The following SULF2 variants were observed in gnomAD, a reference collection of about 807,000 sequenced individuals.
The protein encoded by SULF2 is sulfatase 2.
Under a neutral mutation model 107.7 loss-of-function variants are expected in SULF2, and 52 were observed. The ratio of observed to expected loss-of-function variants is 0.48; its 90% CI spans 0.39 to 0.61. The LOEUF is 0.61. Among genes scored for constraint, SULF2 ranks in the 20% least tolerant of loss-of-function variants. The probability of loss-of-function intolerance (pLI) is 0.00; values close to 1 mark genes in which losing one functional copy is unlikely to be tolerated. For missense variants in SULF2, 993 were observed against 1,177.3 expected, an observed-to-expected ratio of 0.84 and a Z score of 2.29; for synonymous variants, 460 against 464.3, an observed-to-expected ratio of 0.99 and a Z score of 0.12.
chr20:47,739,790 CAT>C (rs2089834649), intron 2 of SULF2, among the ~76,000 whole-genome samples: 1 of 152,232 alleles, frequency 6.6e-6, no homozygotes, highest in Admixed American at 6.5e-5. Context: ...GCTAAATTAA[CAT>C]ATAAAATACT....
chr20:47,780,539 T>C (rs1409959703), intron 1 of SULF2, among the ~76,000 whole-genome samples: 1 of 152,038 alleles, frequency 6.6e-6, no homozygotes, highest in Non-Finnish European at 1.5e-5. Context: ...CCCCATCACA[T>C]CATGCAGTCA....
intron 1 of SULF2, among the ~76,000 whole-genome samples, chr20:47,770,954 C>T (rs1365293438): frequency 6.6e-6 from 1 of 152,184 alleles, no homozygotes; most frequent in Non-Finnish European, 1.5e-5. Context: ...CACGTCTGGC[C>T]AGATTCAAGG....
In SULF2 at chr20:47,678,919, G is replaced by C; in HGVS notation, c.1065-115C>G. 1.2e-6 allele frequency: 1 copy of C among 863,918 alleles called. No homozygotes were observed. The highest frequency in any genetic ancestry group is 1.9e-6 in the Non-Finnish European group (1 of 533,844). The allele number at this position is 863,918 out of a possible 1,614,324, so 53.5% of individuals were successfully genotyped here. On this transcript the variant is annotated intron_variant, in intron 7 of 20. Coordinates refer to ENST00000688720, the MANE Select transcript of SULF2 (RefSeq NM_001387048.1). This position sits in a 1 kb window ranked among gnomAD's most constrained non-coding sequence, Gnocchi z 4.5. ...GTTTGTGGGAGGCTGACATCTGCAG[G>C]TATGGAAGCTGCAGTCTGGCACCTC...
At chr20:47,768,826 T>A (rs1600682735) in intron 1 of SULF2, among the ~76,000 whole-genome samples, 1 of 151,696 alleles carries the variant, frequency 6.6e-6, no homozygotes, top group Non-Finnish European at 1.5e-5. Flanking sequence ...AGAGCACTTA[T>A]CATAACTTGT....
At chr20:47,702,870 G>A (rs998703801) in intron 3 of SULF2, among the ~76,000 whole-genome samples, 200 bp from the exon 4 acceptor site, 1 of 152,184 alleles carries the variant, frequency 6.6e-6, no homozygotes, top group Admixed American at 6.5e-5. Flanking sequence ...CAATTGTTTG[G>A]AAATACGGTT....
chr20:47,690,961 C>A (rs761943157), intron 4 of SULF2, among the ~76,000 whole-genome samples: 1 of 152,000 alleles, frequency 6.6e-6, no homozygotes, highest in Non-Finnish European at 1.5e-5. Flanking sequence ...CCTGTATTTG[C>A]TCGCTTAATT....
At position 47,665,960 on chromosome 20, in the gene SULF2, G is replaced by C; in HGVS notation, c.1806-7C>G. On this transcript the variant is annotated splice_polypyrimidine_tract_variant and splice_region_variant and intron_variant, in intron 12 of 20. Transcript: ENST00000688720. ...GTTCTCTAGGATGTAGCACCTGCTT[G>C]AGAGAAGGGATCACGTGTGGCTCGG... 1 of 1,613,376 alleles carries C rather than the reference G, an allele frequency of 6.2e-7. No homozygotes were observed. Among genetic ancestry groups the C allele is most frequent in the Non-Finnish European group, 8.5e-7 (1 of 1,179,332 alleles).
At chr20:47,775,179 G>C (rs546198840) in intron 1 of SULF2, among the ~76,000 whole-genome samples, 1 of 152,334 alleles carries the variant, frequency 6.6e-6, no homozygotes, top group African/African-American at 2.4e-5. Flanking sequence ...TTTTGACCAA[G>C]AGAAGGTGGC....
chr20:47,770,053 G>GTTTTTTTTT (rs56786760), intron 1 of SULF2, among the ~76,000 whole-genome samples: 1 of 63,114 alleles, frequency 1.6e-5, no homozygotes, highest in African/African-American at 7.2e-5. Flanking sequence ...ATCTGGTGTA[G>GTTTTTTTTT]TTTTTTTTTT....
chr20:47,733,049 A>G (rs2089650553), intron 3 of SULF2, among the ~76,000 whole-genome samples: 1 of 152,246 alleles, frequency 6.6e-6, no homozygotes, highest in Admixed American at 6.5e-5. Flanking sequence ...GGGGCCATGC[A>G]AAGCAAGATC....
In SULF2 at chr20:47,736,785, C is replaced by A; in HGVS notation, c.333G>T (p.Glu111Asp). 1 of 1,614,246 alleles carries A rather than the reference C, an allele frequency of 6.2e-7. No individual in the cohort carries two copies. Among genetic ancestry groups the A allele is most frequent in the South Asian group, 1.1e-5 (1 of 91,090 alleles). Residue 111 changes from glutamate (E) to aspartate (D), a missense_variant, in exon 3 of 21, where the codon GAG becomes GAT. Transcript: ENST00000688720. ...VHNHNTYTNN[E>D]NCSSPSWQAQ... ...CCTGCCAGGAGGGCGAGGAGCAGTT[C>A]TCATTGTTGGTGTAGGTGTTGTGGT...
At chr20:47,690,085 T>G in intron 5 of SULF2, 41 bp downstream of exon 5, 2 of 1,374,864 alleles carry the variant, frequency 1.5e-6, no homozygotes, top group Non-Finnish European at 1.9e-6. Flanking sequence ...TCCCCCTTCA[T>G]GCTAAGCAGT....
rs1225785234 is a variant in SULF2 at position 47,785,442 on chromosome 20, CGCTGCCGCT to C, written c.-209_-201del. The C allele has an allele frequency of 1.3e-5, 2 of 149,870 alleles. No individual in the cohort carries two copies. Among genetic ancestry groups the C allele is most frequent in the East Asian group, 1.9e-4 (1 of 5,346 alleles). The allele number at this position is 149,870 out of a possible 1,614,324, so 9.3% of individuals were successfully genotyped here. On this transcript the variant is annotated 5_prime_UTR_variant, in exon 1 of 21. Coordinates refer to ENST00000688720, the MANE Select transcript of SULF2 (RefSeq NM_001387048.1). ...CTGGGCGCAGGGGACTCCGCGCCGC[CGCTGCCGCT>C]GCCGCCGCCGCCGCCGCCGCTGCCG... is the stretch of plus-strand genomic sequence containing the variant.
Position 47,666,417 on chromosome 20 carries a change from GGTACACCCT to G in SULF2, c.1639_1647del (p.Arg547_Tyr549del). 1.2e-6 allele frequency: 2 copies of G among 1,613,908 alleles called. No homozygotes were observed. The highest frequency in any genetic ancestry group is 1.7e-5 in the Admixed American group (1 of 60,022). On this transcript the variant is annotated inframe_deletion, in exon 12 of 21. Coordinates refer to ENST00000688720, the MANE Select transcript of SULF2 (RefSeq NM_001387048.1). This position sits in a 1 kb window ranked among gnomAD's most constrained non-coding sequence, Gnocchi z 5.4. ...TGGGCGGCATCACCCAGGCCTACGTGGTACACCCTGCCGTCCACCTCGATGGCCACTGAG... is the reference window on the plus strand; with the variant it reads ...TGGGCGGCATCACCCAGGCCTACGTGGCCGTCCACCTCGATGGCCACTGAG...
At chr20:47,672,142 C>G in intron 11 of SULF2, 56 bp downstream of exon 11, 2 of 1,527,594 alleles carry the variant, frequency 1.3e-6, no homozygotes, top group African/African-American at 1.4e-5. Context: ...ATGAATGGGG[C>G]CCCCCAGGCA....
rs1397062933 is a variant in SULF2 at position 47,661,782 on chromosome 20, T to C, written c.2485A>G (p.Met829Val). The C allele has an allele frequency of 1.3e-6, 2 of 1,542,680 alleles. No homozygotes were observed. The highest frequency in any genetic ancestry group is 1.2e-5 in the South Asian group (1 of 83,254). The change falls in exon 18 of 21, where the codon ATG (methionine) becomes GTG (valine). Residue 829 changes from methionine to valine, a missense_variant. Coordinates refer to ENST00000688720, the MANE Select transcript of SULF2 (RefSeq NM_001387048.1). ...YKQCNPRTRN[M>V]DLGLKDGGSY... ...TGGGGTGCCTACTCACCCAGGTCCA[T>C]GTTTCGAGTCCGGGGGTTACACTGC... is the stretch of plus-strand genomic sequence containing the variant.
chr20:47,785,143 C>CGCCGGA (rs1397020284), intron 1 of SULF2, among the ~76,000 whole-genome samples, 200 bp downstream of exon 1: 4 of 151,756 alleles, frequency 2.6e-5, no homozygotes, highest in Non-Finnish European at 5.9e-5. Context: ...GGACGGCCGG[C>CGCCGGA]GCCGGAGCCT....
chr20:47,708,103 T>A (rs1407364985), intron 3 of SULF2, among the ~76,000 whole-genome samples: 2 of 152,212 alleles, frequency 1.3e-5, no homozygotes, highest in African/African-American at 4.8e-5. Flanking sequence ...GGCACTGGAA[T>A]CACAGGAGTG....
intron 4 of SULF2, among the ~76,000 whole-genome samples, chr20:47,697,291 C>T (rs569410866): frequency 1.3e-5 from 2 of 152,280 alleles, no homozygotes; most frequent in South Asian, 4.1e-4. Flanking sequence ...ACATCTGGAC[C>T]CCTTTGGTGG....
Sources: gnomAD v4.1 joint callset for allele counts (sites outside exome capture counted in the v4.1 genomes callset) on GRCh38, gnomAD v4.1.1 for gene constraint, Gnocchi (gnomAD v3.1) non-coding constraint, MANE v1.5 for transcripts, NCBI Gene and HGNC (gene_info 2026-07-23, HGNC 2026-07-21) for gene names.